The following TPD52 variants were observed in gnomAD, a reference collection of about 807,000 sequenced individuals.
The protein encoded by TPD52 is tumor protein D52.
Under a neutral mutation model 31.3 loss-of-function variants are expected in TPD52, and 17 were observed. The ratio of observed to expected loss-of-function variants is 0.54; its 90% CI spans 0.37 to 0.82. The LOEUF (loss-of-function observed/expected upper bound fraction) is 0.82, where lower values mean the gene tolerates loss of function less well. Ranked by LOEUF, TPD52 falls within the 40% of genes least tolerant of loss-of-function variation. The pLI is 0.00. For synonymous variants in TPD52, 83 were observed against 89.6 expected (o/e 0.93, Z 0.42); for missense variants, 212 against 240.1 (o/e 0.88, Z 0.77).
At chr8:80,071,958 C>T (rs1406443494) in intron 1 of TPD52, among the ~76,000 whole-genome samples, 1 of 152,170 alleles carries the variant, frequency 6.6e-6, no homozygotes, top group Non-Finnish European at 1.5e-5. Context: ...ACCAGCACAA[C>T]ACTCCCACTA....
intron 1 of TPD52, among the ~76,000 whole-genome samples, chr8:80,132,977 A>T (rs1490765249): frequency 6.6e-6 from 1 of 152,156 alleles, no homozygotes; most frequent in Non-Finnish European, 1.5e-5. Flanking sequence ...CTAGTTCTCT[A>T]TCAGTTCAGC....
intron 7 of TPD52, chr8:80,042,169 T>C (rs1018812439): frequency 4.1e-6 from 4 of 985,012 alleles, no homozygotes; most frequent in Non-Finnish European, 4.8e-6. Flanking sequence ...AAAATGATTA[T>C]GATGTATGGC....
chr8:80,154,081 C>A (rs972178028), intron 1 of TPD52, among the ~76,000 whole-genome samples: 3 of 152,236 alleles, frequency 2.0e-5, no homozygotes, highest in Non-Finnish European at 4.4e-5. Context: ...ACAATCACAT[C>A]TTCTTTTGTT....
Position 80,034,865 on chromosome 8 carries a change from G to A in TPD52, c.*3251C>T, listed in dbSNP as rs1047388913. On this transcript the variant is annotated 3_prime_UTR_variant, in exon 8 of 8. Coordinates refer to ENST00000518937, the MANE Select transcript of TPD52 (RefSeq NM_001025253.3). ...ATCAAAATTACATGAGAGCTGGCAA[G>A]AATTTTAGTTGCCAAATAGCATTTA... 2 of 152,130 alleles carry A rather than the reference G, an allele frequency of 1.3e-5. No individual in the cohort carries two copies. Among genetic ancestry groups the A allele is most frequent in the African/African-American group, 4.8e-5 (2 of 41,438 alleles). 9.4% of individuals were successfully genotyped at this position (152,130 alleles called of 1,614,324 possible).
chr8:80,095,527 T>G (rs1816662049), intron 1 of TPD52, among the ~76,000 whole-genome samples: 1 of 152,204 alleles, frequency 6.6e-6, no homozygotes, highest in Non-Finnish European at 1.5e-5. Context: ...TAATAATGTC[T>G]CAGCATTAAC....
intron 4 of TPD52, chr8:80,051,130 C>A: frequency 4.9e-6 from 1 of 206,056 alleles, no homozygotes; most frequent in Non-Finnish European, 9.8e-6. Context: ...TATAAAATGT[C>A]ACATATAGAA....
Position 80,064,521 on chromosome 8 carries a change from AG to A in TPD52, c.91del (p.Leu31SerfsTer9). On this transcript the variant is annotated frameshift_variant, in exon 2 of 8. Coordinates refer to ENST00000518937, the MANE Select transcript of TPD52 (RefSeq NM_001025253.3). LOFTEE classifies it high-confidence loss of function. The stretch of plus-strand genomic sequence containing the variant: ...TAGCTCTTCCTGCTCCTCTTCCGAG[AG>A]GGTCTCTGTGGCACTGATCGTGGCA... ...VAATISATETLSEEEQEELRR... is the reference protein window; with the variant it reads ...VAATISATETXSEEEQEELRR... 1 of 1,614,160 alleles carries A rather than the reference AG, an allele frequency of 6.2e-7. No homozygotes were observed. Among genetic ancestry groups the A allele is most frequent in the Non-Finnish European group, 8.5e-7 (1 of 1,180,010 alleles).
At chr8:80,042,031 G>A (rs187583841) in intron 7 of TPD52, 2 of 295,822 alleles carry the variant, frequency 6.8e-6, no homozygotes, top group Admixed American at 6.5e-5. Flanking sequence ...GGAGGTTGCA[G>A]TGAGCCAAGA....
At chr8:80,134,143 T>C (rs369544775) in intron 1 of TPD52, among the ~76,000 whole-genome samples, 12 of 152,250 alleles carry the variant, frequency 7.9e-5, no homozygotes, top group Non-Finnish European at 1.6e-4. Context: ...GGCATATCTA[T>C]TTCAAAACCA....
downstream of TPD52, among the ~76,000 whole-genome samples, chr8:80,032,152 CAAAAAAAAA>C (rs150988844): frequency 2.1e-4 from 12 of 56,542 alleles, no homozygotes; most frequent in South Asian, 6.8e-4. Context: ...GACTCCAGCT[CAAAAAAAAA>C]AAAAAAAAAA....
chr8:80,032,984 G>A (rs1809728944), downstream of TPD52: 1 of 152,432 alleles, frequency 6.6e-6, no homozygotes, highest in Admixed American at 6.5e-5. Flanking sequence ...GGCTGGTGAG[G>A]GGTGCGTGAG....
At chr8:80,093,239 G>A (rs188573381) in intron 1 of TPD52, among the ~76,000 whole-genome samples, 14 of 152,196 alleles carry the variant, frequency 9.2e-5, no homozygotes, top group Admixed American at 5.2e-4. Context: ...ATGAAAGCAG[G>A]CCATTCTTAC....
chr8:80,120,521 T>A (rs1028236767), intron 1 of TPD52, among the ~76,000 whole-genome samples: 10 of 152,094 alleles, frequency 6.6e-5, no homozygotes, highest in African/African-American at 2.4e-4. Flanking sequence ...ATGGATGGAT[T>A]GAATGACAGG....
At position 80,052,527 on chromosome 8, in the gene TPD52, G is replaced by A. The variant is rs1384028508; in HGVS notation, c.284+755C>T. ...TGGGTAGAAAATGGACCAAAAGACT[G>A]GGGACTCAAGTACTGTCATGTTAAA... On this transcript the variant is annotated intron_variant, in intron 3 of 7. Coordinates refer to ENST00000518937, the MANE Select transcript of TPD52 (RefSeq NM_001025253.3). 3.4e-6 allele frequency: 3 copies of A among 882,450 alleles called. No individual in the cohort carries two copies. In the African/African-American group the frequency reaches 5.4e-5, roughly 16 times the overall value. 54.7% of individuals were successfully genotyped at this position (882,450 alleles called of 1,614,324 possible).
At chr8:80,126,906 G>A (rs1808653369) in intron 1 of TPD52, among the ~76,000 whole-genome samples, 1 of 152,116 alleles carries the variant, frequency 6.6e-6, no homozygotes, top group African/African-American at 2.4e-5. Flanking sequence ...AGGGTGGCTT[G>A]AGCCCAGCCT....
At position 80,036,491 on chromosome 8, in the gene TPD52, A is replaced by T. The variant is rs886696306; in HGVS notation, c.*1625T>A. 1 of 152,036 alleles carries T rather than the reference A, an allele frequency of 6.6e-6. No homozygotes were observed. The highest frequency in any genetic ancestry group is 2.4e-5 in the African/African-American group (1 of 41,172). 9.4% of individuals were successfully genotyped at this position (152,036 alleles called of 1,614,324 possible). A position where few individuals can be genotyped will look rare whatever the true frequency, so the allele number is the denominator to read the frequency against. On this transcript the variant is annotated 3_prime_UTR_variant, in exon 8 of 8. Coordinates refer to ENST00000518937, the MANE Select transcript of TPD52 (RefSeq NM_001025253.3). The stretch of plus-strand genomic sequence containing the variant: ...ATTAAGCAATAATTTAAGGATGGTT[A>T]AAAAAAAATTTTTTTTTTTTAAGCA...
At position 80,039,007 on chromosome 8, in the gene TPD52, C is replaced by G. The variant is rs562564051; in HGVS notation, c.505-772G>C. Reference sequence around the variant, plus strand: ...ATGCTAATCTGTATATGCTCTCTCACTGTTACACTGTCCAACAGGACAGCT... The same window carrying G: ...ATGCTAATCTGTATATGCTCTCTCAGTGTTACACTGTCCAACAGGACAGCT... On this transcript the variant is annotated intron_variant, in intron 7 of 7. Transcript: ENST00000518937. 4.6e-5 allele frequency among the ~76,000 whole-genome samples: 7 copies of G among 152,236 alleles called. No individual in the cohort carries two copies. The South Asian group carries it at 1.4e-3, about 31-fold the overall frequency.
At chr8:80,116,525 C>T (rs1807874787) in intron 1 of TPD52, among the ~76,000 whole-genome samples, 1 of 151,176 alleles carries the variant, frequency 6.6e-6, no homozygotes, top group Non-Finnish European at 1.5e-5. Context: ...CATGCAAAGG[C>T]CTACTCCCAG....
chr8:80,104,439 G>A (rs199793149), intron 1 of TPD52, among the ~76,000 whole-genome samples: 2 of 32,066 alleles, frequency 6.2e-5, no homozygotes, highest in Admixed American at 6.8e-4. Flanking sequence ...GTACACACAC[G>A]ATCTTGAACA....
Sources: gnomAD v4.1 joint callset for allele counts (sites outside exome capture counted in the v4.1 genomes callset) on GRCh38, gnomAD v4.1.1 for gene constraint, MANE v1.5 for transcripts, NCBI Gene and HGNC (gene_info 2026-07-23, HGNC 2026-07-21) for gene names.